Variants in SYBU observed in about 807,000 individuals in gnomAD.
SYBU encodes GOLSYN A protein.
Under a neutral mutation model 35.9 loss-of-function variants are expected in SYBU, and 21 were observed. The ratio of observed to expected loss-of-function variants is 0.58; its 90% CI spans 0.41 to 0.84. The LOEUF (loss-of-function observed/expected upper bound fraction) is 0.84. Among genes scored for constraint, SYBU ranks in the 40% least tolerant of loss-of-function variants. The pLI, the probability that SYBU is intolerant of heterozygous loss-of-function variation, is 0.00. For missense variants in SYBU, 768 were observed against 848.2 expected, an observed-to-expected ratio of 0.91 and a Z score of 1.17; for synonymous variants, 319 against 324.3, an observed-to-expected ratio of 0.98 and a Z score of 0.18.
At chr8:109,687,874 A>G (rs1308645089) in intron 1 of SYBU, among the ~76,000 whole-genome samples, 1 of 152,218 alleles carries the variant, frequency 6.6e-6, no homozygotes, top group African/African-American at 2.4e-5. Flanking sequence ...GATCTTCCCA[A>G]TAATTAAATG....
intron 3 of SYBU, among the ~76,000 whole-genome samples, chr8:109,605,961 T>C (rs1177642550): frequency 6.6e-6 from 1 of 152,246 alleles, no homozygotes; most frequent in Admixed American, 6.5e-5. Flanking sequence ...ATGCTATGGC[T>C]CAGACTGTGG....
chr8:109,604,028 C>T (rs1209340090), intron 3 of SYBU, among the ~76,000 whole-genome samples: 1 of 150,378 alleles, frequency 6.6e-6, no homozygotes, highest in Non-Finnish European at 1.5e-5. Context: ...AGGGAAGCAG[C>T]AAAACTGAAT....
At chr8:109,648,264 T>TA (rs1815911519), upstream of SYBU, among the ~76,000 whole-genome samples, 1 of 145,196 alleles carries the variant, frequency 6.9e-6, no homozygotes, top group African/African-American at 2.6e-5. Flanking sequence ...TATACAATAA[T>TA]ATATATATAT....
intron 5 of SYBU, 24 bp from the exon 6 acceptor site, chr8:109,578,041 T>C (rs770826094): frequency 2.5e-6 from 4 of 1,592,310 alleles, no homozygotes; most frequent in African/African-American, 2.7e-5. Flanking sequence ...AGTAATGAAA[T>C]GTTACTTTTT....
rs1203507367 is a variant in SYBU at position 109,618,907 on chromosome 8, A to G, written c.362T>C (p.Val121Ala). Residue 121 changes from valine to alanine, a missense_variant, in exon 3 of 7, where the codon GTT becomes GCT. By Grantham distance (64) the Val-to-Ala change is moderately conservative (BLOSUM62 0). Coordinates refer to ENST00000276646, the MANE Select transcript of SYBU (RefSeq NM_001099754.2). ...FTRKKCTIGM[V>A]GEGSIQSSRY... The stretch of plus-strand genomic sequence containing the variant: ...AGAGGACTGAATGCTTCCTTCACCA[A>G]CCATTCCAATCGTGCATTTCTTTCT... The G allele has an allele frequency of 1.9e-6, 3 of 1,614,012 alleles. No homozygotes were observed. The highest frequency in any genetic ancestry group is 2.5e-6 in the Non-Finnish European group (3 of 1,180,018).
At chr8:109,622,188 T>A (rs111246883) in intron 2 of SYBU, among the ~76,000 whole-genome samples, 4 of 126,928 alleles carry the variant, frequency 3.2e-5, no homozygotes, top group African/African-American at 1.9e-4. Flanking sequence ...TGAGTATCTA[T>A]CTATCTATCT....
chr8:109,670,025 T>G (rs368103882), intron 1 of SYBU, among the ~76,000 whole-genome samples: 1 of 152,230 alleles, frequency 6.6e-6, no homozygotes, highest in South Asian at 2.1e-4. Context: ...TAAATTCATT[T>G]TCATGATGTA....
chr8:109,598,598 T>C lies in SYBU; in HGVS notation c.428-12436A>G, dbSNP rs1039394811. Among the ~76,000 whole-genome samples, 6 of 152,338 alleles carry C rather than the reference T, an allele frequency of 3.9e-5. 1 individual carries two copies. The highest frequency in any genetic ancestry group is 2.9e-5 in the Non-Finnish European group (2 of 68,032). ...AAATACTCATCATCATCATCATCAT[T>C]AGCCTACTTATCCACGTGTTTGGTA... On this transcript the variant is annotated intron_variant, in intron 3 of 6. Coordinates refer to ENST00000276646, the MANE Select transcript of SYBU (RefSeq NM_001099754.2).
intron 4 of SYBU, chr8:109,580,946 T>A (rs1287270327): frequency 1.3e-5 from 2 of 152,256 alleles, no homozygotes; most frequent in Non-Finnish European, 2.9e-5. Flanking sequence ...CTAATTAGAA[T>A]GTTCACCTGC....
At chr8:109,589,273 A>G (rs1185952491) in intron 3 of SYBU, among the ~76,000 whole-genome samples, 1 of 152,236 alleles carries the variant, frequency 6.6e-6, no homozygotes, top group East Asian at 1.9e-4. Flanking sequence ...GGAAAGTTTT[A>G]GCCAAGTTAC....
At chr8:109,661,645 G>A (rs1247054658) in intron 1 of SYBU, among the ~76,000 whole-genome samples, 1 of 152,146 alleles carries the variant, frequency 6.6e-6, no homozygotes, top group Non-Finnish European at 1.5e-5. Flanking sequence ...GAAAATTATG[G>A]AGCTGCCTCT....
intron 3 of SYBU, among the ~76,000 whole-genome samples, chr8:109,606,739 C>A (rs542894109): frequency 6.6e-6 from 1 of 152,260 alleles, no homozygotes; most frequent in South Asian, 2.1e-4. Flanking sequence ...ACAGAGTAGT[C>A]CTTGGTACAT....
chr8:109,644,830 G>T, upstream of SYBU: 2 of 641,466 alleles, frequency 3.1e-6, no homozygotes, highest in Non-Finnish European at 4.8e-6. Flanking sequence ...TCTGGGCTCC[G>T]AGGGCACGCC....
intron 3 of SYBU, among the ~76,000 whole-genome samples, chr8:109,609,916 CTCA>C (rs1810981794): frequency 6.6e-6 from 1 of 152,154 alleles, no homozygotes; most frequent in African/African-American, 2.4e-5. Flanking sequence ...CCAGTTTCAC[CTCA>C]TGATAATCCA....
intron 3 of SYBU, among the ~76,000 whole-genome samples, chr8:109,613,901 G>T (rs2844244): frequency 0.3 from 46,368 of 152,084 alleles, 7,955 homozygotes; most frequent in African/African-American, 0.45. Context: ...TGCTATTGTC[G>T]TAAGGTTATT....
chr8:109,641,008 A>G (rs765944296), intron 2 of SYBU, among the ~76,000 whole-genome samples: 5 of 152,196 alleles, frequency 3.3e-5, no homozygotes, highest in African/African-American at 9.6e-5. Flanking sequence ...TAATCATAGC[A>G]TCCTGATTCA....
At chr8:109,603,942 A>G (rs890612857) in intron 3 of SYBU, among the ~76,000 whole-genome samples, 3 of 152,194 alleles carry the variant, frequency 2.0e-5, no homozygotes, top group Non-Finnish European at 4.4e-5. Flanking sequence ...CTTTATTATT[A>G]TTCTACCCAG....
intron 3 of SYBU, chr8:109,586,564 T>C (rs1823646707): frequency 6.3e-6 from 1 of 159,812 alleles, no homozygotes; most frequent in Non-Finnish European, 1.4e-5. Flanking sequence ...CAAGAGAGTT[T>C]ATCTTTGGGC....
intron 1 of SYBU, among the ~76,000 whole-genome samples, chr8:109,676,261 A>G (rs1817186863): frequency 6.6e-6 from 1 of 152,204 alleles, no homozygotes; most frequent in South Asian, 2.1e-4. Flanking sequence ...ACTCCTATTC[A>G]ACATAGTGTT....
Sources: gnomAD v4.1 joint callset for allele counts (sites outside exome capture counted in the v4.1 genomes callset) on GRCh38, gnomAD v4.1.1 for gene constraint, MANE v1.5 for transcripts, NCBI Gene and HGNC (gene_info 2026-07-23, HGNC 2026-07-21) for gene names.